The following THSD4 variants were observed in gnomAD, a reference collection of about 807,000 sequenced individuals.
The protein encoded by THSD4 is thrombospondin type 1 domain containing 4, also known as thrombospondin type-1 domain-containing protein 4.
A neutral mutation model predicts 119.0 loss-of-function variants in THSD4; 69 were observed. That is an observed-to-expected ratio of 0.58 (90% confidence interval 0.48 to 0.71). The LOEUF (loss-of-function observed/expected upper bound fraction) is 0.71. Ranked by LOEUF, THSD4 falls within the 30% of genes least tolerant of loss-of-function variation. THSD4 has a pLI of 0.00. For synonymous variants in THSD4, 524 were observed against 540.4 expected, an observed-to-expected ratio of 0.97 and a Z score of 0.42; for missense variants, 1,393 against 1,391.1, an observed-to-expected ratio of 1.00 and a Z score of -0.02.
At chr15:71,275,160 G>A (rs1277146328) in intron 6 of THSD4, among the ~76,000 whole-genome samples, 3 of 152,024 alleles carry the variant, frequency 2.0e-5, no homozygotes, top group African/African-American at 7.2e-5. Context: ...CAACAGAGAA[G>A]AATCAGAGTC....
chr15:71,543,683 A>G (rs2048794077), intron 7 of THSD4, among the ~76,000 whole-genome samples: 1 of 152,236 alleles, frequency 6.6e-6, no homozygotes, highest in South Asian at 2.1e-4. Context: ...GCAACTGGGT[A>G]TATCGACCTA....
At chr15:71,399,907 T>C (rs985898792) in intron 6 of THSD4, among the ~76,000 whole-genome samples, 22 of 152,192 alleles carry the variant, frequency 1.4e-4, no homozygotes, top group African/African-American at 5.3e-4. Flanking sequence ...TGTGTTTAAG[T>C]ATGAGCAGTG....
At chr15:71,342,631 C>T (rs2045598013) in intron 6 of THSD4, 1 of 152,410 alleles carries the variant, frequency 6.6e-6, no homozygotes, top group African/African-American at 2.4e-5. Context: ...TGGGGACATT[C>T]CGTGGCTACA....
intron 7 of THSD4, among the ~76,000 whole-genome samples, chr15:71,427,323 A>G (rs1480611814): frequency 6.6e-6 from 1 of 150,894 alleles, no homozygotes; most frequent in Non-Finnish European, 1.5e-5. Context: ...TGAGCTTAAA[A>G]CCTAGTGGGA....
chr15:71,735,048 T>C (rs1464541265), intron 10 of THSD4, among the ~76,000 whole-genome samples: 1 of 151,974 alleles, frequency 6.6e-6, no homozygotes, highest in Non-Finnish European at 1.5e-5. Flanking sequence ...TTGAAACCAG[T>C]AGATAATTCA....
rs771661487 is a variant in THSD4, at chr15:71,731,182, C to T, written c.1595C>T (p.Ala532Val). The change falls in exon 10 of 18, where the codon GCC becomes GTC. Residue 532 changes from alanine to valine, a missense_variant. Ala to Val is a moderately conservative substitution (Grantham distance 64). Transcript: ENST00000261862. Reference sequence around the variant, plus strand: ...GAGTACGTGATCATGGGGACCAACGCCATCAGCCCCCAGGTGCCACCCCAC... The same window carrying T: ...GAGTACGTGATCATGGGGACCAACGTCATCAGCCCCCAGGTGCCACCCCAC... ...HYEYVIMGTNAISPQVPPHRR... is the reference protein window; with the variant it reads ...HYEYVIMGTNVISPQVPPHRR... 2.5e-6 allele frequency: 4 copies of T among 1,614,196 alleles called. No individual in the cohort carries two copies. In the South Asian group the frequency reaches 3.3e-5, roughly 13 times the overall value.
intron 7 of THSD4, among the ~76,000 whole-genome samples, chr15:71,542,483 A>G (rs1422426950): frequency 6.6e-6 from 1 of 152,202 alleles, no homozygotes; most frequent in African/African-American, 2.4e-5. Context: ...ATATTGAAAT[A>G]GAATACCCCT....
intron 6 of THSD4, among the ~76,000 whole-genome samples, chr15:71,377,715 G>A (rs533377196): frequency 1.3e-5 from 2 of 152,056 alleles, no homozygotes; most frequent in South Asian, 2.1e-4. Flanking sequence ...TAAGCTAACC[G>A]TGTATCTCCA....
At chr15:71,761,623 A>G (rs2053629223) in intron 15 of THSD4, among the ~76,000 whole-genome samples, 1 of 152,212 alleles carries the variant, frequency 6.6e-6, no homozygotes, top group Non-Finnish European at 1.5e-5. Flanking sequence ...GCACATTTTT[A>G]TCATTCCAAA....
In THSD4 at chr15:71,315,868, C is replaced by T. The variant is rs1467890973; in HGVS notation, c.1015+59153C>T. On this transcript the variant is annotated intron_variant, in intron 6 of 17. Coordinates refer to ENST00000261862, the MANE Select transcript of THSD4 (RefSeq NM_024817.3). ...TATATCAGATTGTATTTCACCAACA[C>T]AAAAAAAATTGTCCTTCTATATTCT... Among the ~76,000 whole-genome samples the T allele has an allele frequency of 2.0e-5, 3 of 151,726 alleles. No individual in the cohort carries two copies. The East Asian group carries it at 5.8e-4, about 29-fold the overall frequency.
chr15:71,140,358 A>G (rs188009218), intron 1 of THSD4, among the ~76,000 whole-genome samples: 147 of 152,180 alleles, frequency 9.7e-4, no homozygotes, highest in African/African-American at 3.4e-3. Flanking sequence ...GAGAGAAGGG[A>G]GGAGGTGCCA....
chr15:71,615,870 C>T (rs982191816), intron 7 of THSD4, among the ~76,000 whole-genome samples: 1 of 152,170 alleles, frequency 6.6e-6, no homozygotes, highest in Non-Finnish European at 1.5e-5. Flanking sequence ...GGAACGATGC[C>T]TCTTTAGTGT....
At chr15:71,427,136 A>G (rs963567418) in intron 7 of THSD4, among the ~76,000 whole-genome samples, 2 of 151,488 alleles carry the variant, frequency 1.3e-5, no homozygotes, top group Admixed American at 1.3e-4. Context: ...CAACTACCCA[A>G]CATAAAAACC....
rs2051020909 is a variant in THSD4, at chr15:71,648,681, G to A, written c.1153-11849G>A. Among the ~76,000 whole-genome samples the A allele has an allele frequency of 3.9e-5, 6 of 152,196 alleles. No individual in the cohort carries two copies. In the South Asian group the frequency reaches 1.2e-3, roughly 31 times the overall value. ...TCTTCAAACACCACTTGAGAATCAT[G>A]TGAAAAGAAAGGGGGGTTTTGGTGG... On this transcript the variant is annotated intron_variant, in intron 7 of 17. Coordinates refer to ENST00000261862, the MANE Select transcript of THSD4 (RefSeq NM_024817.3).
At chr15:71,279,073 G>T (rs2044622780) in intron 6 of THSD4, among the ~76,000 whole-genome samples, 1 of 152,120 alleles carries the variant, frequency 6.6e-6, no homozygotes, top group Non-Finnish European at 1.5e-5. Context: ...AGGAAACTTT[G>T]AGTACATCAG....
chr15:71,470,695 G>A (rs2047565331), intron 7 of THSD4, among the ~76,000 whole-genome samples: 1 of 151,796 alleles, frequency 6.6e-6, no homozygotes. Flanking sequence ...GACTGCAGTG[G>A]CGCAATCTCG....
At chr15:71,620,943 G>A (rs2050408797) in intron 7 of THSD4, among the ~76,000 whole-genome samples, 1 of 152,116 alleles carries the variant, frequency 6.6e-6, no homozygotes, top group Non-Finnish European at 1.5e-5. Context: ...GTTATTTTGG[G>A]CAGATAATTT....
chr15:71,516,031 A>C (rs2048356455), intron 7 of THSD4, among the ~76,000 whole-genome samples: 1 of 152,180 alleles, frequency 6.6e-6, no homozygotes, highest in African/African-American at 2.4e-5. Context: ...GGGCATGCCA[A>C]GGGTTTTTGA....
At chr15:71,321,108 C>A (rs897908491) in intron 6 of THSD4, among the ~76,000 whole-genome samples, 12 of 152,196 alleles carry the variant, frequency 7.9e-5, no homozygotes, top group African/African-American at 2.9e-4. Flanking sequence ...ACACATGATT[C>A]CCCGTTTTAT....
Sources: allele counts gnomAD v4.1 joint callset (sites outside exome capture counted in the v4.1 genomes callset), GRCh38; gene constraint gnomAD v4.1.1; transcripts MANE v1.5; gene names NCBI Gene and HGNC (gene_info 2026-07-23, HGNC 2026-07-21).